The following BTG4 variants were observed in gnomAD, a reference collection of about 807,000 sequenced individuals.
BTG4 encodes the protein BTG anti-proliferation factor 4, also known as protein BTG4.
In BTG4, 10 loss-of-function variants were observed where a neutral mutation model predicts 19.3. That is an observed-to-expected ratio of 0.52 (90% CI 0.32 to 0.88). BTG4 has a LOEUF of 0.88. Among genes scored for constraint, BTG4 ranks in the 40% least tolerant of loss-of-function variants. BTG4 has a pLI of 0.04. For synonymous variants in BTG4, 91 were observed against 95.7 expected (o/e 0.95, Z 0.29); for missense variants, 238 against 281.9 (o/e 0.84, Z 1.11).
At chr11:111,392,134 A>T in the BTG4 span, among the ~76,000 whole-genome samples, 1 of 150,156 alleles carries the variant, frequency 6.7e-6, no homozygotes, top group Admixed American at 6.6e-5. Context: ...ATAGACCTAG[A>T]ACCTAGCCTC....
At chr11:111,513,604 A>G (rs1167115089), upstream of BTG4, 1 of 426,750 alleles carries the variant, frequency 2.3e-6, no homozygotes, top group African/African-American at 2.0e-5. Context: ...TCCATTGCCT[A>G]TTAATTGCTC....
chr11:111,492,406 A>G (rs536382200), downstream of BTG4, among the ~76,000 whole-genome samples: 2 of 152,202 alleles, frequency 1.3e-5, no homozygotes, highest in Non-Finnish European at 2.9e-5. Flanking sequence ...TAAATTGTAC[A>G]TGTAAAGACC....
At chr11:111,465,530 A>G (rs954090300), downstream of BTG4, among the ~76,000 whole-genome samples, 4 of 152,206 alleles carry the variant, frequency 2.6e-5, no homozygotes, top group Admixed American at 1.3e-4. Flanking sequence ...TACTCATCTT[A>G]TAGATGAGGG....
upstream of BTG4, chr11:111,513,074 C>T: frequency 2.3e-6 from 1 of 442,556 alleles, no homozygotes; most frequent in Non-Finnish European, 4.9e-6. Flanking sequence ...CAGCCCGCAG[C>T]CTTCGAGAGA....
At chr11:111,470,703 G>A (rs1864008519) in intron 5 of BTG4, among the ~76,000 whole-genome samples, 1 of 152,128 alleles carries the variant, frequency 6.6e-6, no homozygotes, top group Non-Finnish European at 1.5e-5. Flanking sequence ...GATCACTTGA[G>A]CCCAGGAGTC....
intron 5 of BTG4, among the ~76,000 whole-genome samples, chr11:111,477,306 A>G (rs1360905365): frequency 6.6e-6 from 1 of 152,162 alleles, no homozygotes; most frequent in Non-Finnish European, 1.5e-5. Context: ...CTTTTTTAAA[A>G]TCGACATTCT....
downstream of BTG4, among the ~76,000 whole-genome samples, chr11:111,492,441 A>T (rs1371063716): frequency 6.6e-6 from 1 of 152,214 alleles, no homozygotes; most frequent in Admixed American, 6.5e-5. Flanking sequence ...TTTTACAGCG[A>T]TTAGTTCTCC....
In BTG4 at chr11:111,498,118, T is replaced by C; in HGVS notation, c.191A>G (p.Asn64Ser). 6.2e-7 allele frequency: 1 copy of C among 1,613,944 alleles called. No homozygotes were observed. Among genetic ancestry groups the C allele is most frequent in the East Asian group, 2.2e-5 (1 of 44,888 alleles). The part of the protein sequence containing the change: ...GQAFRCIRIN[N>S]NQNKDPILER... ...TAGAATGGGATCTTTATTCTGATTG[T>C]TGTTTATCCTGATGCACCTTTTTAA... Residue 64 changes from asparagine to serine, a missense_variant, in exon 3 of 5, where the codon AAC becomes AGC. Physicochemically the swap from Asn to Ser is conservative, Grantham distance 46. Transcript: ENST00000692032.
intron 5 of BTG4, among the ~76,000 whole-genome samples, chr11:111,478,873 G>T (rs1591468822): frequency 6.6e-6 from 1 of 151,756 alleles, no homozygotes; most frequent in Non-Finnish European, 1.5e-5. Context: ...GGGGCATATG[G>T]TACTATAGCA....
At chr11:111,496,205 T>C (rs1355388719) in intron 4 of BTG4, among the ~76,000 whole-genome samples, 2 of 152,222 alleles carry the variant, frequency 1.3e-5, no homozygotes, top group South Asian at 2.1e-4. Flanking sequence ...ATCATGTTAA[T>C]CAAATTATCT....
chr11:111,418,520 C>A, the BTG4 span, among the ~76,000 whole-genome samples: 4 of 152,236 alleles, frequency 2.6e-5, no homozygotes, highest in Non-Finnish European at 5.9e-5. Flanking sequence ...ATCCTCATGT[C>A]TGTCTTCCGC....
intron 5 of BTG4, among the ~76,000 whole-genome samples, chr11:111,484,991 A>G (rs892052528): frequency 6.6e-6 from 1 of 152,204 alleles, no homozygotes; most frequent in Non-Finnish European, 1.5e-5. Flanking sequence ...ATAGATTTCA[A>G]GACAAAAACT....
At chr11:111,492,381 C>A (rs1164325643), downstream of BTG4, among the ~76,000 whole-genome samples, 1 of 152,068 alleles carries the variant, frequency 6.6e-6, no homozygotes, top group Non-Finnish European at 1.5e-5. Context: ...GTTGATTTTT[C>A]TTTTTTTAGT....
chr11:111,506,461 T>C (rs1217552813), intron 1 of BTG4, among the ~76,000 whole-genome samples: 3 of 151,698 alleles, frequency 2.0e-5, no homozygotes, highest in Admixed American at 1.3e-4. Flanking sequence ...ATAGAGAAAA[T>C]AGACTCTGGG....
At chr11:111,506,201 A>C (rs1362292223) in intron 1 of BTG4, among the ~76,000 whole-genome samples, 2 of 152,198 alleles carry the variant, frequency 1.3e-5, no homozygotes, top group Non-Finnish European at 2.9e-5. Context: ...ACCATTTACA[A>C]TTAGAGCAAA....
At chr11:111,407,980 C>T in the BTG4 span, among the ~76,000 whole-genome samples, 1 of 152,206 alleles carries the variant, frequency 6.6e-6, no homozygotes, top group Non-Finnish European at 1.5e-5. Context: ...GGAGAGGGCA[C>T]AGAGGCCTCC....
chr11:111,444,810 G>A, the BTG4 span, among the ~76,000 whole-genome samples: 1 of 152,166 alleles, frequency 6.6e-6, no homozygotes, highest in Non-Finnish European at 1.5e-5. Flanking sequence ...GGTGGAAAGA[G>A]GGTGGCTGAA....
chr11:111,408,178 G>C, the BTG4 span, among the ~76,000 whole-genome samples: 1 of 152,232 alleles, frequency 6.6e-6, no homozygotes, highest in Non-Finnish European at 1.5e-5. Context: ...GTTGTGCTGA[G>C]TCACTGGAGC....
chr11:111,456,609 C>T, the BTG4 span: 5 of 451,878 alleles, frequency 1.1e-5, no homozygotes, highest in East Asian at 7.0e-5. This position sits in a 1 kb window ranked among gnomAD's most constrained non-coding sequence, Gnocchi z 4.2. Flanking sequence ...TTCCAGCCAG[C>T]GGCCACGCAG....
Sources: gnomAD v4.1 joint callset for allele counts (sites outside exome capture counted in the v4.1 genomes callset) on GRCh38, gnomAD v4.1.1 for gene constraint, Gnocchi (gnomAD v3.1) non-coding constraint, MANE v1.5 for transcripts, NCBI Gene and HGNC (gene_info 2026-07-23, HGNC 2026-07-21) for gene names.